Variants in TNKS1BP1 observed in about 807,000 individuals in gnomAD.
TNKS1BP1 encodes CCR4-NOT transcription complex subunit 12.
Under a neutral mutation model 141.1 loss-of-function variants are expected in TNKS1BP1, and 48 were observed. The observed-to-expected ratio is 0.34, with a 90% CI of 0.27 to 0.43. The LOEUF is 0.43. TNKS1BP1 is among the 20% of genes least tolerant of loss of function. TNKS1BP1 has a pLI of 1.00. For missense variants in TNKS1BP1, 2,149 were observed against 2,226.0 expected (o/e 0.97, Z 0.70); for synonymous variants, 875 against 898.2 (o/e 0.97, Z 0.46).
chr11:57,312,266 A>T (rs1014078360), intron 5 of TNKS1BP1, among the ~76,000 whole-genome samples: 4 of 152,234 alleles, frequency 2.6e-5, no homozygotes, highest in African/African-American at 9.6e-5. Flanking sequence ...CTATCAGGAA[A>T]GCACTCTGAA....
At position 57,321,751 on chromosome 11, in the gene TNKS1BP1, C is replaced by G. The variant is rs754486985; in HGVS notation, c.94+41G>C. The G allele has an allele frequency of 6.3e-6, 9 of 1,426,662 alleles. No individual in the cohort carries two copies. In the South Asian group the frequency reaches 9.5e-5, roughly 15 times the overall value. The allele number at this position is 1,426,662 out of a possible 1,614,324, so 88.4% of individuals were successfully genotyped here. Reference sequence around the variant, plus strand: ...GGGGGCAGCCTCTGTCCTTCCCACCCCCCTCCCAGCCACCTGGCTCCACCC... The same window carrying G: ...GGGGGCAGCCTCTGTCCTTCCCACCGCCCTCCCAGCCACCTGGCTCCACCC... On this transcript the variant is annotated intron_variant, in intron 2 of 11. Transcript: ENST00000358252.
At chr11:57,306,150 C>T (rs937265226) in intron 6 of TNKS1BP1, among the ~76,000 whole-genome samples, 56 of 152,078 alleles carry the variant, frequency 3.7e-4, no homozygotes, top group African/African-American at 1.3e-3. Context: ...TGGTGATGTG[C>T]GCCTGTATTC....
chr11:57,300,885 C>G lies in TNKS1BP1; in HGVS notation c.5128G>C (p.Gly1710Arg). The change falls in exon 10 of 12, where the codon GGG becomes CGG. Residue 1710 changes from glycine to arginine, a missense_variant and splice_region_variant. Physicochemically the swap from Gly to Arg is moderately radical, Grantham distance 125. Transcript: ENST00000358252. ...ATGCCCAGAGCTTAGGTCACCTACCCTGAGGATTTCTCTGGCTTGGGAGGT... is the reference window on the plus strand; with the variant it reads ...ATGCCCAGAGCTTAGGTCACCTACCGTGAGGATTTCTCTGGCTTGGGAGGT... ...TLPPKPEKSS[G>R]SEGSSPNWLQ... 6.2e-7 allele frequency: 1 copy of G among 1,613,536 alleles called. No homozygotes were observed. Among genetic ancestry groups the G allele is most frequent in the Admixed American group, 1.7e-5 (1 of 59,970 alleles).
intron 4 of TNKS1BP1, among the ~76,000 whole-genome samples, 156 bp from the exon 5 acceptor site, chr11:57,314,045 C>T (rs1055038437): frequency 6.6e-6 from 1 of 152,086 alleles, no homozygotes; most frequent in African/African-American, 2.4e-5. Flanking sequence ...TGGGAGGGGC[C>T]CCACAGACGA....
At position 57,310,262 on chromosome 11, in the gene TNKS1BP1, C is replaced by A. The variant is rs953590078; in HGVS notation, c.2449G>T (p.Val817Leu). The A allele has an allele frequency of 1.9e-6, 3 of 1,613,966 alleles. No individual in the cohort carries two copies. Among genetic ancestry groups the A allele is most frequent in the Admixed American group, 1.7e-5 (1 of 60,002 alleles). ...ACTACCCGGTCCTGGGCTGTGAGCA[C>A]CCCTGGGGCAGACACTTTACTCTGG... ...QDQSKVSAPG[V>L]LTAQDRVVGK... The change falls in exon 6 of 12, where the codon GTG becomes TTG. Residue 817 changes from valine (V) to leucine (L), a missense_variant. Val to Leu is a conservative substitution (Grantham distance 32). Transcript: ENST00000358252.
In TNKS1BP1 at chr11:57,302,220, G is replaced by T; in HGVS notation, c.4688C>A (p.Thr1563Asn). ...PSQDFSFIED[T>N]EILDSAMYRS... is the part of the protein sequence containing the mutation. Reference sequence around the variant, plus strand: ...ATACATGGCACTGTCGAGGATCTCGGTGTCCTGCTTGGGGCAATGGTGACA... The same window carrying T: ...ATACATGGCACTGTCGAGGATCTCGTTGTCCTGCTTGGGGCAATGGTGACA... Residue 1563 changes from threonine (T) to asparagine (N), a missense_variant, in exon 8 of 12, where the codon ACC becomes AAC. Physicochemically the swap from Thr to Asn is moderately conservative, Grantham distance 65 (BLOSUM62 0). Coordinates refer to ENST00000358252, the MANE Select transcript of TNKS1BP1 (RefSeq NM_033396.3). This position sits in a 1 kb window ranked among gnomAD's most constrained non-coding sequence, Gnocchi z 5.5. The T allele has an allele frequency of 6.2e-7, 1 of 1,610,718 alleles. No individual in the cohort carries two copies.
Position 57,309,902 on chromosome 11 carries a change from G to C in TNKS1BP1, c.2809C>G (p.Leu937Val). Residue 937 changes from leucine to valine, a missense_variant, in exon 6 of 12, where the codon CTC (leucine) becomes GTC (valine). Physicochemically the swap from Leu to Val is conservative, Grantham distance 32 (BLOSUM62 1). Transcript: ENST00000358252. The surrounding 1 kb of genome is among the most constrained non-coding windows in gnomAD (Gnocchi z 4.3). ...DWEFQKRDVS[L>V]GTYGSRAAEP... ...GCAGCCCGGCTGCCATAGGTGCCGA[G>C]TGACACATCTCTCTTCTGAAACTCC... The C allele has an allele frequency of 6.2e-7, 1 of 1,614,168 alleles. No individual in the cohort carries two copies. Among genetic ancestry groups the C allele is most frequent in the Admixed American group, 1.7e-5 (1 of 60,026 alleles).
chr11:57,321,743 T>TG, intron 2 of TNKS1BP1, 49 bp downstream of exon 2: 24 of 1,186,758 alleles, frequency 2.0e-5, no homozygotes, highest in South Asian at 2.5e-5. Flanking sequence ...GCCTCTGTCC[T>TG]TCCCACCCCC....
In TNKS1BP1 at chr11:57,309,494, T is replaced by G. The variant is rs1319751222; in HGVS notation, c.3217A>C (p.Ser1073Arg). Residue 1073 changes from serine (S) to arginine (R), a missense_variant, in exon 6 of 12, where the codon AGT becomes CGT. Physicochemically the swap from Ser to Arg is moderately radical, Grantham distance 110. Coordinates refer to ENST00000358252, the MANE Select transcript of TNKS1BP1 (RefSeq NM_033396.3). The surrounding 1 kb of genome is among the most constrained non-coding windows in gnomAD (Gnocchi z 4.3). ...RQQAGAQGPG[S>R]ADLEDGEMGK... is the part of the protein sequence containing the mutation. ...ATCTCCCCATCTTCCAGGTCAGCAC[T>G]GCCAGGGCCCTGAGCCCCTGCCTGC... 6.2e-7 allele frequency: 1 copy of G among 1,613,852 alleles called. No homozygotes were observed. The highest frequency in any genetic ancestry group is 1.3e-5 in the African/African-American group (1 of 74,938).
At chr11:57,314,871 T>C (rs1000226550) in intron 4 of TNKS1BP1, among the ~76,000 whole-genome samples, 1 of 152,072 alleles carries the variant, frequency 6.6e-6, no homozygotes. Flanking sequence ...AAATAAAGGG[T>C]CCTGCTTGCT....
chr11:57,314,017 G>A (rs1218086418), intron 4 of TNKS1BP1, 128 bp from the exon 5 acceptor site: 4 of 1,102,974 alleles, frequency 3.6e-6, no homozygotes, highest in Admixed American at 3.6e-5. Context: ...GAACCCGAGG[G>A]GGTCCTCTTG....
chr11:57,320,016 C>A (rs566145743), intron 3 of TNKS1BP1, 63 bp downstream of exon 3: 3 of 1,246,426 alleles, frequency 2.4e-6, no homozygotes, highest in Admixed American at 1.8e-5. Flanking sequence ...CCCCAGCCCC[C>A]ACCCAATCCC....
At chr11:57,322,265 G>A (rs1199901898) in intron 1 of TNKS1BP1, 17 of 1,037,492 alleles carry the variant, frequency 1.6e-5, no homozygotes, top group Admixed American at 1.0e-4. Context: ...TGGGTAGGAC[G>A]GCCCCGCTGG....
chr11:57,320,011 G>GCCCCCC, intron 3 of TNKS1BP1, 68 bp downstream of exon 3: 6 of 1,296,682 alleles, frequency 4.6e-6, no homozygotes, highest in East Asian at 2.5e-5. Context: ...TTGGTCCCCA[G>GCCCCCC]CCCCCACCCA....
intron 6 of TNKS1BP1, 86 bp downstream of exon 6, chr11:57,308,309 T>C (rs971665590): frequency 6.7e-7 from 1 of 1,502,550 alleles, no homozygotes; most frequent in Non-Finnish European, 8.9e-7. Flanking sequence ...GGAAAAACTG[T>C]TTCTTCCCTC....
At chr11:57,320,020 C>CCCCCCCCAGAACACCACA in intron 3 of TNKS1BP1, 59 bp downstream of exon 3, 1 of 1,213,902 alleles carries the variant, frequency 8.2e-7, no homozygotes, top group Non-Finnish European at 1.2e-6. Context: ...AGCCCCCACC[C>CCCCCCCCAGAACACCACA]AATCCCACCC....
chr11:57,320,257 C>A lies in TNKS1BP1; in HGVS notation c.550G>T (p.Gly184Cys). The A allele has an allele frequency of 6.2e-7, 1 of 1,614,190 alleles. No homozygotes were observed. Among genetic ancestry groups the A allele is most frequent in the Non-Finnish European group, 8.5e-7 (1 of 1,180,042 alleles). ...EVLASPDRLW[G>C]SRLTFNHDGS... The stretch of plus-strand genomic sequence containing the variant: ...TCGTGGTTAAAGGTGAGGCGGGAAC[C>A]CCACAGGCGGTCGGGGCTGGCAAGG... The change falls in exon 3 of 12, where the codon GGT becomes TGT. Residue 184 changes from glycine (G) to cysteine (C), a missense_variant. Physicochemically the swap from Gly to Cys is radical, Grantham distance 159. Coordinates refer to ENST00000358252, the MANE Select transcript of TNKS1BP1 (RefSeq NM_033396.3).
At chr11:57,323,651 A>G (rs770247504) in intron 1 of TNKS1BP1, among the ~76,000 whole-genome samples, 1 of 152,158 alleles carries the variant, frequency 6.6e-6, no homozygotes, top group African/African-American at 2.4e-5. Flanking sequence ...CTGTCAACCC[A>G]TTGGTCAGTT....
intron 5 of TNKS1BP1, chr11:57,311,224 G>A (rs1391121136): frequency 3.5e-5 from 34 of 983,580 alleles, no homozygotes; most frequent in Admixed American, 6.1e-5. Context: ...CCCACCTCAC[G>A]CTCCCTGACT....
Sources: gnomAD v4.1 joint callset for allele counts (sites outside exome capture counted in the v4.1 genomes callset) on GRCh38, gnomAD v4.1.1 for gene constraint, Gnocchi (gnomAD v3.1) non-coding constraint, MANE v1.5 for transcripts, NCBI Gene and HGNC (gene_info 2026-07-23, HGNC 2026-07-21) for gene names.